Variants in DAB2IP observed in about 807,000 individuals in gnomAD.
The protein encoded by DAB2IP is DAB2 interacting protein, also known as disabled homolog 2-interacting protein.
In DAB2IP, 28 loss-of-function variants were observed where a neutral mutation model predicts 107.2. The observed-to-expected ratio is 0.26, with a 90% CI of 0.19 to 0.36. The LOEUF (loss-of-function observed/expected upper bound fraction) is 0.36. Among genes scored for constraint, DAB2IP ranks in the 10% least tolerant of loss-of-function variants. DAB2IP has a pLI of 1.00. For synonymous variants in DAB2IP, 755 were observed against 706.4 expected (o/e 1.07, Z -1.09); for missense variants, 1,400 against 1,644.7 (o/e 0.85, Z 2.57).
At chr9:121,581,898 T>G (rs1447156759) in intron 1 of DAB2IP, among the ~76,000 whole-genome samples, 3 of 152,052 alleles carry the variant, frequency 2.0e-5, no homozygotes, top group Admixed American at 1.3e-4. Flanking sequence ...CAATGCCAAC[T>G]CCCCATCCTT....
At chr9:121,587,265 C>A (rs1404986901) in intron 1 of DAB2IP, among the ~76,000 whole-genome samples, 1 of 151,956 alleles carries the variant, frequency 6.6e-6, no homozygotes, top group Non-Finnish European at 1.5e-5. Flanking sequence ...GCAGAGGAAA[C>A]AGCTTGAGGA....
intron 1 of DAB2IP, among the ~76,000 whole-genome samples, chr9:121,627,474 C>T (rs514823): frequency 0.14 from 21,016 of 151,860 alleles, 2,021 homozygotes; most frequent in Non-Finnish European, 0.21. Flanking sequence ...TGAAGGATAG[C>T]ATGTAGAAGG....
intron 3 of DAB2IP, among the ~76,000 whole-genome samples, chr9:121,715,127 C>T (rs980977366): frequency 2.8e-4 from 43 of 152,166 alleles, no homozygotes; most frequent in African/African-American, 9.7e-4. Flanking sequence ...GGCCTTGGCA[C>T]TTGCTGCCCT....
Position 121,760,742 on chromosome 9 carries a change from G to A in DAB2IP, c.1170+303G>A, listed in dbSNP as rs898584237. On this transcript the variant is annotated intron_variant, in intron 6 of 15. Coordinates refer to ENST00000408936, the Ensembl canonical transcript of DAB2IP. The surrounding 1 kb of genome is among the most constrained non-coding windows in gnomAD (Gnocchi z 5.9). ...CTGCAGAGGACCGACCCCCTGAGGCGCCAGGGGAACAGGCTGGGTGGCCAC... is the reference window on the plus strand; with the variant it reads ...CTGCAGAGGACCGACCCCCTGAGGCACCAGGGGAACAGGCTGGGTGGCCAC... Among the ~76,000 whole-genome samples the A allele has an allele frequency of 2.0e-5, 3 of 152,094 alleles. No individual in the cohort carries two copies.
exon 10 of DAB2IP, chr9:121,768,511 C>T: frequency 6.2e-7 from 1 of 1,614,214 alleles, no homozygotes; most frequent in Non-Finnish European, 8.5e-7. Flanking sequence ...GCGCTTCCTG[C>T]TGGAGATCTC....
At chr9:121,717,473 C>T (rs1235374747) in intron 3 of DAB2IP, among the ~76,000 whole-genome samples, 1 of 152,224 alleles carries the variant, frequency 6.6e-6, no homozygotes, top group Non-Finnish European at 1.5e-5. Flanking sequence ...GCATGTGGAT[C>T]CTGAGAATCC....
chr9:121,615,761 G>A (rs1199480655), intron 1 of DAB2IP, among the ~76,000 whole-genome samples: 1 of 151,920 alleles, frequency 6.6e-6, no homozygotes, highest in Non-Finnish European at 1.5e-5. Context: ...CGAGTAGCTG[G>A]GATTACAGGT....
chr9:121,761,869 A>G (rs1587975057), intron 6 of DAB2IP, among the ~76,000 whole-genome samples: 1 of 151,546 alleles, frequency 6.6e-6, no homozygotes, highest in African/African-American at 2.4e-5. Context: ...AGGCTGCATT[A>G]TTTTCTGCAG....
chr9:121,613,904 G>A (rs59681241), intron 1 of DAB2IP, among the ~76,000 whole-genome samples: 95 of 152,268 alleles, frequency 6.2e-4, no homozygotes, highest in African/African-American at 2.2e-3. Flanking sequence ...AGAAATCAGT[G>A]GCTCTTCTCC....
chr9:121,697,984 G>A (rs1434039886), intron 2 of DAB2IP, among the ~76,000 whole-genome samples: 2 of 152,166 alleles, frequency 1.3e-5, no homozygotes, highest in African/African-American at 4.8e-5. Flanking sequence ...CTGTCTGTGC[G>A]GGTGACATGA....
chr9:121,714,037 C>T (rs1000736310), intron 3 of DAB2IP, among the ~76,000 whole-genome samples: 7 of 152,168 alleles, frequency 4.6e-5, no homozygotes, highest in African/African-American at 1.7e-4. Flanking sequence ...GTTTTGAGGT[C>T]TACATGGGAT....
At chr9:121,658,708 G>A (rs116744140) in intron 1 of DAB2IP, among the ~76,000 whole-genome samples, 2 of 152,190 alleles carry the variant, frequency 1.3e-5, no homozygotes, top group African/African-American at 2.4e-5. Context: ...GCAAAGACAG[G>A]CTTGGTTCCT....
At chr9:121,587,905 T>A (rs1438966431) in intron 1 of DAB2IP, among the ~76,000 whole-genome samples, 1 of 152,184 alleles carries the variant, frequency 6.6e-6, no homozygotes, top group Non-Finnish European at 1.5e-5. Context: ...AAATTCATTG[T>A]TTATATACAA....
At chr9:121,708,267 A>G (rs1219238684) in intron 3 of DAB2IP, among the ~76,000 whole-genome samples, 3 of 152,186 alleles carry the variant, frequency 2.0e-5, no homozygotes, top group African/African-American at 4.8e-5. Context: ...GAGTGGCCCA[A>G]AGTCACACAC....
chr9:121,742,192 C>T (rs969550603), intron 3 of DAB2IP, among the ~76,000 whole-genome samples: 6 of 152,180 alleles, frequency 3.9e-5, no homozygotes, highest in Non-Finnish European at 8.8e-5. Context: ...CTTTGGGAGG[C>T]CAAGGTGGGT....
intron 3 of DAB2IP, among the ~76,000 whole-genome samples, chr9:121,734,270 G>A (rs1050604464): frequency 1.3e-5 from 2 of 149,400 alleles, no homozygotes; most frequent in South Asian, 2.1e-4. Context: ...CCAGCTACTC[G>A]GGAGGCTGAG....
At chr9:121,572,143 C>T (rs1036027389) in intron 1 of DAB2IP, among the ~76,000 whole-genome samples, 2 of 152,144 alleles carry the variant, frequency 1.3e-5, no homozygotes, top group Admixed American at 6.5e-5. Context: ...AAAAGTCCTG[C>T]CCTGCAAAAT....
chr9:121,757,752 G>T (rs1368127593), intron 4 of DAB2IP, among the ~76,000 whole-genome samples: 2 of 152,200 alleles, frequency 1.3e-5, no homozygotes, highest in African/African-American at 2.4e-5. Flanking sequence ...CGGGAGCAGG[G>T]TTACTATTGT....
At chr9:121,770,167 G>A (rs1425705412) in intron 10 of DAB2IP, among the ~76,000 whole-genome samples, 4 of 152,216 alleles carry the variant, frequency 2.6e-5, no homozygotes, top group African/African-American at 7.2e-5. Flanking sequence ...CGTGGAGTAA[G>A]TGATGTGAGA....
Sources: gnomAD v4.1 joint callset for allele counts (sites outside exome capture counted in the v4.1 genomes callset) on GRCh38, gnomAD v4.1.1 for gene constraint, Gnocchi (gnomAD v3.1) non-coding constraint, MANE v1.5 for transcripts, NCBI Gene and HGNC (gene_info 2026-07-23, HGNC 2026-07-21) for gene names.